The following TUSC3 variants were observed in gnomAD, a reference collection of about 807,000 sequenced individuals.
The protein encoded by TUSC3 is tumor suppressor candidate 3, also known as dolichyl-diphosphooligosaccharide--protein glycosyltransferase subunit TUSC3.
Under a neutral mutation model 44.8 loss-of-function variants are expected in TUSC3, and 45 were observed. The ratio of observed to expected loss-of-function variants is 1.00; its 90% CI spans 0.79 to 1.29. The LOEUF (loss-of-function observed/expected upper bound fraction) is 1.29, where lower values mean the gene tolerates loss of function less well. Ranked by LOEUF, TUSC3 falls within the 50% of genes most tolerant of loss-of-function variation. The pLI, the probability that TUSC3 is intolerant of heterozygous loss-of-function variation, is 0.00. For synonymous variants in TUSC3, 212 were observed against 152.9 expected (o/e 1.39, Z -2.85); for missense variants, 519 against 437.9 (o/e 1.19, Z -1.65).
intron 1 of TUSC3, among the ~76,000 whole-genome samples, chr8:15,452,194 T>G (rs1039663387): frequency 6.6e-6 from 1 of 152,196 alleles, no homozygotes; most frequent in Admixed American, 6.5e-5. Context: ...AACTATAATT[T>G]CACATTTAAT....
chr8:15,511,397 C>T (rs879888643), intron 2 of TUSC3, among the ~76,000 whole-genome samples: 1 of 152,052 alleles, frequency 6.6e-6, no homozygotes. Flanking sequence ...ATGGAATATA[C>T]AAAATAGTTA....
chr8:15,614,235 T>C (rs779487630), intron 1 of TUSC3, among the ~76,000 whole-genome samples: 4 of 152,156 alleles, frequency 2.6e-5, no homozygotes, highest in Non-Finnish European at 5.9e-5. Context: ...ACACTGAGTC[T>C]AGGCTGAGAT....
the TUSC3 span, among the ~76,000 whole-genome samples, chr8:15,773,058 C>G: frequency 2.1e-5 from 3 of 140,572 alleles, no homozygotes; most frequent in African/African-American, 7.9e-5. Flanking sequence ...CAAAACTTTC[C>G]CCCTGAAATC....
intron 6 of TUSC3, among the ~76,000 whole-genome samples, chr8:15,730,210 A>G (rs1046885708): frequency 6.6e-6 from 1 of 152,160 alleles, no homozygotes; most frequent in East Asian, 1.9e-4. Flanking sequence ...AAAAATTTAA[A>G]TGCTATAATG....
At chr8:15,660,904 T>TAA (rs60971907) in intron 4 of TUSC3, among the ~76,000 whole-genome samples, 59 of 95,212 alleles carry the variant, frequency 6.2e-4, no homozygotes, top group Middle Eastern at 5.3e-3. Flanking sequence ...AAACTTTTGT[T>TAA]AAAAAAAAAA....
intron 2 of TUSC3, among the ~76,000 whole-genome samples, chr8:15,498,302 C>G (rs1002227792): frequency 6.6e-6 from 1 of 152,108 alleles, no homozygotes; most frequent in African/African-American, 2.4e-5. Flanking sequence ...TCTGGAAGCT[C>G]TCATTTGATT....
chr8:15,494,117 C>G (rs1800846755), intron 2 of TUSC3, among the ~76,000 whole-genome samples: 1 of 152,196 alleles, frequency 6.6e-6, no homozygotes, highest in African/African-American at 2.4e-5. Context: ...TCTGCTGCTG[C>G]TATTGTCCTC....
At chr8:15,717,963 G>A (rs937312199) in intron 6 of TUSC3, among the ~76,000 whole-genome samples, 30 of 151,916 alleles carry the variant, frequency 2.0e-4, no homozygotes, top group African/African-American at 7.0e-4. Flanking sequence ...TATATACTAT[G>A]TTTCCTTTTG....
intron 1 of TUSC3, among the ~76,000 whole-genome samples, chr8:15,571,073 C>T: frequency 6.7e-6 from 1 of 149,616 alleles, no homozygotes; most frequent in Non-Finnish European, 1.5e-5. Flanking sequence ...TCTCCTGCCC[C>T]AGCCAGAGTA....
the TUSC3 span, among the ~76,000 whole-genome samples, chr8:15,809,708 T>A: frequency 6.6e-6 from 1 of 152,234 alleles, no homozygotes; most frequent in Non-Finnish European, 1.5e-5. Context: ...GATTGTACTG[T>A]ATTCACCTAT....
the TUSC3 span, among the ~76,000 whole-genome samples, chr8:15,846,118 C>G: frequency 4.6e-5 from 7 of 152,160 alleles, no homozygotes; most frequent in Non-Finnish European, 8.8e-5. Context: ...CCCCCTGAGT[C>G]CCTCCCACAA....
chr8:15,810,635 C>T, the TUSC3 span, among the ~76,000 whole-genome samples: 2 of 151,714 alleles, frequency 1.3e-5, no homozygotes, highest in African/African-American at 4.8e-5. Flanking sequence ...AAGATCCTAT[C>T]TTGTGGCCAA....
chr8:15,697,798 AGATTTGTTTT>A (rs1809234728), intron 6 of TUSC3, among the ~76,000 whole-genome samples: 1 of 152,218 alleles, frequency 6.6e-6, no homozygotes, highest in African/African-American at 2.4e-5. Flanking sequence ...AAATTGTTTT[AGATTTGTTTT>A]GATTTACGTA....
At chr8:15,465,298 T>A (rs1248787584) in intron 1 of TUSC3, among the ~76,000 whole-genome samples, 1 of 152,170 alleles carries the variant, frequency 6.6e-6, no homozygotes, top group Non-Finnish European at 1.5e-5. Context: ...TAGAAGTAAA[T>A]GTAACTGCCA....
intron 2 of TUSC3, among the ~76,000 whole-genome samples, chr8:15,512,127 A>G (rs975485395): frequency 2.0e-5 from 3 of 152,246 alleles, no homozygotes; most frequent in South Asian, 2.1e-4. Context: ...CTATAAAGCT[A>G]TAATAATTGA....
chr8:15,637,488 T>C (rs953393877), intron 2 of TUSC3, among the ~76,000 whole-genome samples: 4 of 152,192 alleles, frequency 2.6e-5, no homozygotes, highest in Non-Finnish European at 4.4e-5. Flanking sequence ...TGTCTTCAAC[T>C]GCTTGTTTAA....
chr8:15,447,627 T>G (rs1345845602), intron 1 of TUSC3, among the ~76,000 whole-genome samples: 1 of 151,860 alleles, frequency 6.6e-6, no homozygotes, highest in Non-Finnish European at 1.5e-5. Context: ...TTGACTTTCT[T>G]GATACTAACA....
At chr8:15,491,964 C>A (rs985840496) in intron 2 of TUSC3, among the ~76,000 whole-genome samples, 3 of 152,222 alleles carry the variant, frequency 2.0e-5, no homozygotes, top group Admixed American at 1.3e-4. Flanking sequence ...TTCCATCTAA[C>A]TACTTATAGT....
chr8:15,665,755 G>A (rs947280922), intron 5 of TUSC3, among the ~76,000 whole-genome samples: 2 of 151,180 alleles, frequency 1.3e-5, no homozygotes, highest in Admixed American at 6.6e-5. Context: ...ATACATATAC[G>A]TTAGAATTTC....
Sources: allele counts gnomAD v4.1 joint callset (sites outside exome capture counted in the v4.1 genomes callset), GRCh38; gene constraint gnomAD v4.1.1; transcripts MANE v1.5; gene names NCBI Gene and HGNC (gene_info 2026-07-23, HGNC 2026-07-21).